MICOS10: variants seen among roughly 807,000 people sequenced by gnomAD.
MICOS10 encodes MICOS complex subunit MIC10.
A neutral mutation model predicts 13.4 loss-of-function variants in MICOS10; 5 were observed. That is an observed-to-expected ratio of 0.37 (90% confidence interval 0.20 to 0.78). The LOEUF is 0.78. MICOS10 is among the 30% of genes least tolerant of loss of function. MICOS10 has a pLI of 0.47. For missense variants in MICOS10, 101 were observed against 94.6 expected, an observed-to-expected ratio of 1.07 and a Z score of -0.28; for synonymous variants, 35 against 33.6, an observed-to-expected ratio of 1.04 and a Z score of -0.15.
intron 1 of MICOS10, among the ~76,000 whole-genome samples, chr1:19,600,050 G>T (rs1405231854): frequency 6.6e-6 from 1 of 151,990 alleles, no homozygotes; most frequent in East Asian, 1.9e-4. Context: ...CCTCAACAGG[G>T]AATTGACGTA....
chr1:19,597,006 G>T lies in MICOS10; in HGVS notation c.-40G>T. 1 of 1,567,366 alleles carries T rather than the reference G, an allele frequency of 6.4e-7. No individual in the cohort carries two copies. On this transcript the variant is annotated 5_prime_UTR_variant, in exon 1 of 4. Transcript: ENST00000322753. The stretch of plus-strand genomic sequence containing the variant: ...GAGACTTTCAGGGGTCGGAGCGCGG[G>T]GGCCGGCCGAGAGGAAAGCTGGAGG...
At chr1:19,618,575 C>T (rs2094892976) in intron 1 of MICOS10, among the ~76,000 whole-genome samples, 1 of 152,184 alleles carries the variant, frequency 6.6e-6, no homozygotes, top group African/African-American at 2.4e-5. Context: ...TTTCACTCTA[C>T]AGATGAGCAG....
intron 1 of MICOS10, among the ~76,000 whole-genome samples, chr1:19,606,681 G>C (rs1427975970): frequency 6.6e-6 from 1 of 152,024 alleles, no homozygotes; most frequent in African/African-American, 2.4e-5. Context: ...GGGAAGGTGA[G>C]GTTGCAGTGA....
chr1:19,598,614 A>G lies in MICOS10; in HGVS notation c.64+1505A>G, dbSNP rs545111807. Among the ~76,000 whole-genome samples the G allele has an allele frequency of 7.0e-4, 104 of 148,866 alleles. 1 individual carries two copies. In the East Asian group the frequency reaches 0.018, roughly 25 times the overall value. Reference sequence around the variant, plus strand: ...AAACAAAGTGAGACCCTTCCCTTAAAAAAAAAAAAAAGGAGAAGAAGAAGA... The same window carrying G: ...AAACAAAGTGAGACCCTTCCCTTAAGAAAAAAAAAAAGGAGAAGAAGAAGA... On this transcript the variant is annotated intron_variant, in intron 1 of 3. Coordinates refer to ENST00000322753, the MANE Select transcript of MICOS10 (RefSeq NM_001032363.4).
chr1:19,619,243 G>T (rs938712056), intron 1 of MICOS10, among the ~76,000 whole-genome samples: 1 of 152,198 alleles, frequency 6.6e-6, no homozygotes, highest in African/African-American at 2.4e-5. Flanking sequence ...TCTGTTAGGG[G>T]CTAACATCCA....
At chr1:19,625,409 A>G (rs1411645624) in intron 3 of MICOS10, 4 of 1,289,208 alleles carry the variant, frequency 3.1e-6, no homozygotes, top group Non-Finnish European at 4.0e-6. Context: ...TGAAACCGTC[A>G]GCTGCCTGCA....
chr1:19,605,043 T>A (rs1372227617), intron 1 of MICOS10, among the ~76,000 whole-genome samples: 1 of 152,216 alleles, frequency 6.6e-6, no homozygotes, highest in Non-Finnish European at 1.5e-5. Flanking sequence ...AAGATATTTC[T>A]CCATTTTTAC....
At chr1:19,598,781 T>TA (rs1265575291) in intron 1 of MICOS10, among the ~76,000 whole-genome samples, 1 of 152,146 alleles carries the variant, frequency 6.6e-6, no homozygotes, top group Non-Finnish European at 1.5e-5. Context: ...CTGAAAGTAT[T>TA]AAAAAAAGTA....
chr1:19,620,281 G>A (rs1323308830), intron 1 of MICOS10, among the ~76,000 whole-genome samples: 3 of 152,220 alleles, frequency 2.0e-5, no homozygotes, highest in African/African-American at 4.8e-5. Flanking sequence ...CAGCTGCAGA[G>A]TTGGTGTCCC....
intron 1 of MICOS10, among the ~76,000 whole-genome samples, chr1:19,611,631 C>A (rs1011756950): frequency 2.0e-5 from 3 of 151,862 alleles, no homozygotes; most frequent in South Asian, 4.2e-4. Context: ...AGCCACCATA[C>A]CTGGTCTCAA....
At position 19,611,102 on chromosome 1, in the gene MICOS10, C is replaced by G. The variant is rs533322591; in HGVS notation, c.65-10998C>G. The stretch of plus-strand genomic sequence containing the variant: ...AAGTAGCTGGGATTACAGGCGCCCA[C>G]CACCACACCTGGCCACTTTTTGTAT... On this transcript the variant is annotated intron_variant, in intron 1 of 3. Transcript: ENST00000322753. 9.9e-5 allele frequency among the ~76,000 whole-genome samples: 15 copies of G among 152,150 alleles called. No homozygotes were observed. The South Asian group carries it at 3.1e-3, about 32-fold the overall frequency.
chr1:19,625,251 C>A, intron 3 of MICOS10: 1 of 855,276 alleles, frequency 1.2e-6, no homozygotes, highest in Non-Finnish European at 1.6e-6. Flanking sequence ...ATTGACTTGT[C>A]CATTGTTCCA....
chr1:19,617,166 C>A, intron 1 of MICOS10: 1 of 536,642 alleles, frequency 1.9e-6, no homozygotes, highest in Non-Finnish European at 2.4e-6. Flanking sequence ...TTTGGCTTTT[C>A]TTGAAGCAGA....
intron 1 of MICOS10, among the ~76,000 whole-genome samples, chr1:19,605,267 G>A (rs2094830539): frequency 6.6e-6 from 1 of 152,166 alleles, no homozygotes; most frequent in East Asian, 1.9e-4. Context: ...CTACTTTGTT[G>A]AGATATATTT....
At position 19,629,396 on chromosome 1, in the gene MICOS10, C is replaced by G. The variant is rs2094931610; in HGVS notation, c.*2995C>G. On this transcript the variant is annotated 3_prime_UTR_variant, in exon 4 of 4. Coordinates refer to ENST00000322753, the MANE Select transcript of MICOS10 (RefSeq NM_001032363.4). ...AAATACATACAGTCTGAGCTTGACA[C>G]TGTATAATTTGGCCCAGAACAATAT... 3 of 152,228 alleles carry G rather than the reference C, an allele frequency of 2.0e-5. No homozygotes were observed. The highest frequency in any genetic ancestry group is 2.1e-4 in the South Asian group (1 of 4,830). The allele number at this position is 152,228 out of a possible 1,614,324, so 9.4% of individuals were successfully genotyped here.
At chr1:19,622,174 T>C in intron 2 of MICOS10, 27 bp downstream of exon 2, 1 of 1,575,284 alleles carries the variant, frequency 6.3e-7, no homozygotes, top group Non-Finnish European at 8.7e-7. Context: ...CTTTTCAACA[T>C]AATGTCATAG....
At chr1:19,617,143 AC>A (rs2100307694) in intron 1 of MICOS10, 1 of 247,878 alleles carries the variant, frequency 4.0e-6, no homozygotes, top group East Asian at 1.8e-4. Flanking sequence ...ATTTAAAAGG[AC>A]CCCTTTTTGA....
chr1:19,625,470 C>T (rs1056720807), intron 3 of MICOS10: 34 of 1,289,314 alleles, frequency 2.6e-5, no homozygotes, highest in Non-Finnish European at 3.3e-5. Context: ...ATCTCTGCAC[C>T]AAAGCAAGAG....
At chr1:19,609,661 A>G (rs1020579332) in intron 1 of MICOS10, among the ~76,000 whole-genome samples, 4 of 152,264 alleles carry the variant, frequency 2.6e-5, no homozygotes, top group Non-Finnish European at 4.4e-5. Flanking sequence ...AAAGGAAACC[A>G]ACTATTGTTA....
Sources: gnomAD v4.1 joint callset for allele counts (sites outside exome capture counted in the v4.1 genomes callset) on GRCh38, gnomAD v4.1.1 for gene constraint, MANE v1.5 for transcripts, NCBI Gene and HGNC (gene_info 2026-07-23, HGNC 2026-07-21) for gene names.